Variants in CHD9 observed in about 807,000 individuals in gnomAD.
CHD9 encodes the protein chromodomain helicase DNA binding protein 9.
In CHD9, 77 loss-of-function variants were observed where a neutral mutation model predicts 316.1. That is an observed-to-expected ratio of 0.24 (90% CI 0.20 to 0.29). CHD9 has a LOEUF of 0.29. CHD9 is among the 10% of genes least tolerant of loss of function. CHD9 has a pLI of 1.00. For missense variants in CHD9, 2,763 were observed against 3,438.1 expected, an observed-to-expected ratio of 0.80 and a Z score of 4.91; for synonymous variants, 1,129 against 1,158.3, an observed-to-expected ratio of 0.97 and a Z score of 0.51.
chr16:53,310,388 A>G (rs1222136185), intron 34 of CHD9, among the ~76,000 whole-genome samples: 2 of 152,138 alleles, frequency 1.3e-5, no homozygotes, highest in East Asian at 1.9e-4. Context: ...CTTTTGCCCA[A>G]CCTCAGTGGG....
At position 53,247,983 on chromosome 16, in the gene CHD9, TTTTTG is replaced by T. The variant is rs982884984; in HGVS notation, c.3665+494_3665+498del. ...TTTTCTGATTTGTTTCAATGTGGGT[TTTTTG>T]TTTTGTTTTGTTTATTGGTACATCA... On this transcript the variant is annotated intron_variant, in intron 16 of 38. Transcript: ENST00000447540. 128 of 153,328 alleles carry T rather than the reference TTTTTG, an allele frequency of 8.3e-4. 2 individuals carry two copies. Among genetic ancestry groups the T allele is most frequent in the Middle Eastern group, 3.3e-3 (1 of 300 alleles). 9.5% of individuals were successfully genotyped at this position (153,328 alleles called of 1,614,324 possible).
chr16:53,059,033 G>T (rs1225639312), intron 1 of CHD9, among the ~76,000 whole-genome samples: 6 of 152,072 alleles, frequency 3.9e-5, no homozygotes, highest in Non-Finnish European at 5.9e-5. Flanking sequence ...TTTAAGTAGG[G>T]TCTTACTGTG....
At chr16:53,254,696 C>A (rs2050428219) in intron 18 of CHD9, 91 bp downstream of exon 18, 3 of 1,170,410 alleles carry the variant, frequency 2.6e-6, no homozygotes, top group Non-Finnish European at 3.6e-6. Context: ...TTGGTCCATG[C>A]AGAATACTAA....
At chr16:53,240,353 T>G (rs1394467631) in intron 12 of CHD9, among the ~76,000 whole-genome samples, 1 of 152,188 alleles carries the variant, frequency 6.6e-6, no homozygotes, top group Non-Finnish European at 1.5e-5. Context: ...AAGTTACAAT[T>G]TTAATATATG....
intron 1 of CHD9, among the ~76,000 whole-genome samples, chr16:53,061,670 G>A (rs1353111605): frequency 6.6e-6 from 1 of 152,180 alleles, no homozygotes. Flanking sequence ...CAGGGAGACT[G>A]GGGTATATCC....
chr16:53,138,243 A>T (rs2039863480), intron 1 of CHD9, among the ~76,000 whole-genome samples: 1 of 152,208 alleles, frequency 6.6e-6, no homozygotes, highest in Non-Finnish European at 1.5e-5. Flanking sequence ...TGGGCTTTAT[A>T]TCTTTATTTT....
rs1292472630 is a variant in CHD9 at position 53,226,442 on chromosome 16, T to G, written c.1973T>G (p.Val658Gly). Residue 658 changes from valine to glycine, a missense_variant, in exon 5 of 39, where the codon GTT (valine) becomes GGT (glycine). By Grantham distance (109) the Val-to-Gly change is moderately radical. Transcript: ENST00000447540. Reference sequence around the variant, plus strand: ...GAAGGGAAGCAATCTGAAGAAGAGGTTAAAGGTTCTATGAAAATAAAAAAG... The same window carrying G: ...GAAGGGAAGCAATCTGAAGAAGAGGGTAAAGGTTCTATGAAAATAAAAAAG... ...DIEGKQSEEEVKGSMKIKKNS... is the reference protein window; with the variant it reads ...DIEGKQSEEEGKGSMKIKKNS... 1 of 1,605,740 alleles carries G rather than the reference T, an allele frequency of 6.2e-7. No homozygotes were observed. Among genetic ancestry groups the G allele is most frequent in the African/African-American group, 1.3e-5 (1 of 74,436 alleles).
chr16:53,287,201 A>G (rs1382642942), intron 26 of CHD9, among the ~76,000 whole-genome samples: 1 of 152,188 alleles, frequency 6.6e-6, no homozygotes, highest in Non-Finnish European at 1.5e-5. Flanking sequence ...CCTGGGCCCA[A>G]GTGATCTTCC....
chr16:53,147,552 T>C (rs2040733124), intron 1 of CHD9, among the ~76,000 whole-genome samples: 2 of 152,218 alleles, frequency 1.3e-5, no homozygotes, highest in Non-Finnish European at 2.9e-5. Context: ...TTTAGTTTTA[T>C]GTACCTCTGT....
At chr16:53,276,377 T>A (rs984772185) in intron 24 of CHD9, among the ~76,000 whole-genome samples, 1 of 152,178 alleles carries the variant, frequency 6.6e-6, no homozygotes, top group Non-Finnish European at 1.5e-5. Context: ...ACATCTACTG[T>A]TTAACTGTTG....
chr16:53,117,644 G>A (rs1023015310), intron 1 of CHD9, among the ~76,000 whole-genome samples: 110 of 151,890 alleles, frequency 7.2e-4, no homozygotes, highest in African/African-American at 2.4e-3. Context: ...TCGAACTCCC[G>A]ACCTCAGGTA....
chr16:53,137,011 G>A (rs1365809255), intron 1 of CHD9, among the ~76,000 whole-genome samples: 2 of 150,904 alleles, frequency 1.3e-5, no homozygotes, highest in African/African-American at 4.9e-5. Context: ...GTCTTGCTCT[G>A]TCGCCAGGCT....
chr16:53,321,899 T>C (rs149696878), intron 38 of CHD9, among the ~76,000 whole-genome samples: 5 of 152,024 alleles, frequency 3.3e-5, no homozygotes, highest in African/African-American at 1.2e-4. Flanking sequence ...TGAGCAAATA[T>C]GTAAGGATAT....
At chr16:53,189,558 T>A (rs1020373381) in intron 2 of CHD9, among the ~76,000 whole-genome samples, 3 of 150,796 alleles carry the variant, frequency 2.0e-5, no homozygotes, top group African/African-American at 7.3e-5. Flanking sequence ...ATTATATATA[T>A]TTTTTTTTCC....
At chr16:53,232,512 A>G (rs2152928028) in intron 10 of CHD9, among the ~76,000 whole-genome samples, 1 of 152,318 alleles carries the variant, frequency 6.6e-6, no homozygotes, top group South Asian at 2.1e-4. Context: ...CTAGTCTGTC[A>G]TGGTTAAATA....
chr16:53,230,972 GTAAA>G (rs1597542537), intron 8 of CHD9, among the ~76,000 whole-genome samples: 1 of 152,206 alleles, frequency 6.6e-6, no homozygotes, highest in Non-Finnish European at 1.5e-5. Context: ...GGGTTGAAGA[GTAAA>G]TGAGTGCAAA....
intron 7 of CHD9, among the ~76,000 whole-genome samples, chr16:53,228,311 A>G (rs1420829721): frequency 1.3e-5 from 2 of 152,068 alleles, no homozygotes; most frequent in African/African-American, 2.4e-5. Flanking sequence ...GTCTGAAGCC[A>G]GCCTGGGCAA....
chr16:53,105,579 C>T (rs547293165), intron 1 of CHD9, among the ~76,000 whole-genome samples: 16 of 152,240 alleles, frequency 1.1e-4, no homozygotes, highest in South Asian at 4.1e-4. Context: ...ATTAACAATA[C>T]GCCAGTGAAT....
intron 2 of CHD9, among the ~76,000 whole-genome samples, chr16:53,176,009 C>A (rs899953426): frequency 1.2e-4 from 18 of 152,202 alleles, no homozygotes; most frequent in Non-Finnish European, 1.9e-4. Context: ...TGGAAGGAAC[C>A]TACAACCATG....
Sources: gnomAD v4.1 joint callset for allele counts (sites outside exome capture counted in the v4.1 genomes callset) on GRCh38, gnomAD v4.1.1 for gene constraint, MANE v1.5 for transcripts, NCBI Gene and HGNC (gene_info 2026-07-23, HGNC 2026-07-21) for gene names.